Variants in MTRF1L observed in about 807,000 individuals in gnomAD.
MTRF1L encodes the protein peptide chain release factor 1-like, mitochondrial.
Under a neutral mutation model 40.0 loss-of-function variants are expected in MTRF1L, and 29 were observed. That is an observed-to-expected ratio of 0.73 (90% CI 0.54 to 0.99). MTRF1L has a LOEUF of 0.99. MTRF1L is among the 50% of genes least tolerant of loss of function. The pLI, the probability that MTRF1L is intolerant of heterozygous loss-of-function variation, is 0.00. For synonymous variants in MTRF1L, 150 were observed against 175.8 expected (o/e 0.85, Z 1.16); for missense variants, 412 against 464.5 (o/e 0.89, Z 1.04).
chr6:152,990,274 CTCTAAAA>C (rs1376722545), intron 6 of MTRF1L, 179 bp from the exon 7 acceptor site: 1 of 916,702 alleles, frequency 1.1e-6, no homozygotes, highest in East Asian at 2.8e-5. Flanking sequence ...AGAACACGTG[CTCTAAAA>C]TCAGATTAAT....
chr6:152,996,817 A>G (rs1167137520), intron 2 of MTRF1L, among the ~76,000 whole-genome samples: 1 of 152,230 alleles, frequency 6.6e-6, no homozygotes, highest in Non-Finnish European at 1.5e-5. Flanking sequence ...AAATAGTGTC[A>G]GAGATGCAAA....
At position 152,987,479 on chromosome 6, in the gene MTRF1L, C is replaced by T. The variant is rs1408042534; in HGVS notation, c.*2416G>A. The T allele has an allele frequency of 6.6e-6, 1 of 152,128 alleles. No homozygotes were observed. Among genetic ancestry groups the T allele is most frequent in the East Asian group, 1.9e-4 (1 of 5,194 alleles). The allele number at this position is 152,128 out of a possible 1,614,324, so 9.4% of individuals were successfully genotyped here. ...TTGCTTTTTAGAAAGATTAGTTTGG[C>T]AGTTACTTATTTGTAACCAGAATTA... On this transcript the variant is annotated 3_prime_UTR_variant, in exon 7 of 7. Transcript: ENST00000367233.
rs3192723 is a variant in MTRF1L, at chr6:152,994,560, C to T, written c.640G>A (p.Val214Ile). Residue 214 changes from valine to isoleucine, a missense_variant, in exon 4 of 7, where the codon GTC becomes ATC. By Grantham distance (29) the Val-to-Ile change is conservative. Transcript: ENST00000367233. ...RVPKTEKQGR[V>I]HTSTMTVAIL... Reference sequence around the variant, plus strand: ...GCTACAGTCATGGTGCTAGTATGGACGCGGCCTTGCTTTTCTGTCTTTGGC... The same window carrying T: ...GCTACAGTCATGGTGCTAGTATGGATGCGGCCTTGCTTTTCTGTCTTTGGC... 321,500 of 1,611,892 alleles carry T rather than the reference C, an allele frequency of 0.2. 33,617 individuals are homozygous for T. Among genetic ancestry groups the T allele is most frequent in the Admixed American group, 0.35 (20,909 of 59,974 alleles).
chr6:152,991,327 T>G lies in MTRF1L; in HGVS notation c.806-6A>C. 2 of 1,573,694 alleles carry G rather than the reference T, an allele frequency of 1.3e-6. No individual in the cohort carries two copies. Among genetic ancestry groups the G allele is most frequent in the Non-Finnish European group, 8.6e-7 (1 of 1,162,574 alleles). ...TTGACATTCAGAAACAACACCTGAATAGTGTTACGAGAATTAAAAAGTTTT... is the reference window on the plus strand; with the variant it reads ...TTGACATTCAGAAACAACACCTGAAGAGTGTTACGAGAATTAAAAAGTTTT... On this transcript the variant is annotated splice_region_variant and splice_polypyrimidine_tract_variant and intron_variant, in intron 5 of 6. Transcript: ENST00000367233.
At chr6:152,999,003 TAAGAC>T (rs1325909945) in intron 1 of MTRF1L, among the ~76,000 whole-genome samples, 6 of 152,130 alleles carry the variant, frequency 3.9e-5, no homozygotes, top group African/African-American at 1.4e-4. Flanking sequence ...ATTTAGCTAA[TAAGAC>T]AGAAGGGATA....
intron 6 of MTRF1L, chr6:152,990,332 C>T (rs998849539): frequency 2.3e-5 from 13 of 566,488 alleles, no homozygotes; most frequent in African/African-American, 1.7e-4. Context: ...TCTATGACCT[C>T]GGGCAACTTA....
At chr6:153,000,845 C>G (rs995720023) in intron 1 of MTRF1L, among the ~76,000 whole-genome samples, 1 of 148,696 alleles carries the variant, frequency 6.7e-6, no homozygotes, top group African/African-American at 2.5e-5. Context: ...GTTGTTTTAC[C>G]TTTCTATGTC....
At position 152,992,978 on chromosome 6, in the gene MTRF1L, T is replaced by A. The variant is rs1175825589; in HGVS notation, c.688-4A>T. 1 of 1,609,578 alleles carries A rather than the reference T, an allele frequency of 6.2e-7. No individual in the cohort carries two copies. Among genetic ancestry groups the A allele is most frequent in the African/African-American group, 1.3e-5 (1 of 74,836 alleles). Reference sequence around the variant, plus strand: ...TCGGATTAATCACCAGATTAATCTATACAGAAGAAAAGTTGGGATTTTAAA... The same window carrying A: ...TCGGATTAATCACCAGATTAATCTAAACAGAAGAAAAGTTGGGATTTTAAA... On this transcript the variant is annotated splice_polypyrimidine_tract_variant and splice_region_variant and intron_variant, in intron 4 of 6. Coordinates refer to ENST00000367233, the MANE Select transcript of MTRF1L (RefSeq NM_019041.7).
At position 152,990,076 on chromosome 6, in the gene MTRF1L, G is replaced by C. The variant is rs151055997; in HGVS notation, c.962C>G (p.Ser321Ter). ...RKIQIGSKGR[S>*]EKIRTYNFPQ... ...AAAATTATATGTTCTTATTTTCTCT[G>C]ATCTTCCTTTACTTCCAATCTGTAT... Residue 321 changes from serine (S) to a stop codon, truncating the protein, a stop_gained, in exon 7 of 7, where the codon TCA (serine) becomes TGA (stop). Transcript: ENST00000367233. LOFTEE classifies it high-confidence loss of function. 96 of 1,613,662 alleles carry C rather than the reference G, an allele frequency of 5.9e-5. No homozygotes were observed. Among genetic ancestry groups the C allele is most frequent in the Non-Finnish European group, 7.9e-5 (93 of 1,179,920 alleles).
At chr6:153,002,128 C>CT (rs757650863) in intron 1 of MTRF1L, among the ~76,000 whole-genome samples, 12 of 152,200 alleles carry the variant, frequency 7.9e-5, no homozygotes, top group Admixed American at 3.9e-4. Context: ...AGAAACACCG[C>CT]TGTGGAGCCC....
rs755593925 is a variant in MTRF1L at position 152,998,638 on chromosome 6, AAAAG to A, written c.260-13_260-10del. 8.9e-6 allele frequency: 14 copies of A among 1,578,550 alleles called. No homozygotes were observed. The South Asian group carries it at 9.4e-5, about 11-fold the overall frequency. ...TAAATCTTCATTCTCATCTAGGAAA[AAAAG>A]GGCAGAAGTTAAGGTTTTCCTTAAT... On this transcript the variant is annotated splice_polypyrimidine_tract_variant and intron_variant, in intron 1 of 6. Transcript: ENST00000367233.
chr6:152,998,505 C>T, intron 2 of MTRF1L, 45 bp downstream of exon 2: 5 of 1,389,524 alleles, frequency 3.6e-6, no homozygotes, highest in Non-Finnish European at 4.9e-6. Flanking sequence ...AACTTTAATG[C>T]CTAAGAATAG....
chr6:153,002,668 C>T lies in MTRF1L; in HGVS notation c.18G>A (p.Leu6=). The part of the protein sequence containing the change: MRSRV[L]WGAARWLWPR... The stretch of plus-strand genomic sequence containing the variant: ...GCCAGAGCCACCGGGCAGCGCCCCA[C>T]AGAACCCGGGACCGCATCCTTAGTC... The change falls in exon 1 of 7, where the codon CTG becomes CTA. Residue 6 remains leucine (L), a synonymous_variant. Coordinates refer to ENST00000367233, the MANE Select transcript of MTRF1L (RefSeq NM_019041.7). The T allele has an allele frequency of 6.7e-7, 1 of 1,499,510 alleles. No individual in the cohort carries two copies. Among genetic ancestry groups the T allele is most frequent in the South Asian group, 1.3e-5 (1 of 75,884 alleles). 92.9% of individuals were successfully genotyped at this position (1,499,510 alleles called of 1,614,324 possible).
chr6:152,993,036 G>T, intron 4 of MTRF1L, 62 bp from the exon 5 acceptor site: 1 of 1,257,834 alleles, frequency 8.0e-7, no homozygotes. Context: ...AAAGGCAAGA[G>T]CGACCCATTT....
intron 1 of MTRF1L, among the ~76,000 whole-genome samples, chr6:153,000,317 AAACAT>A (rs1778866462): frequency 6.6e-6 from 1 of 152,230 alleles, no homozygotes; most frequent in African/African-American, 2.4e-5. Flanking sequence ...TAATTAACAT[AAACAT>A]ATTACTTTTT....
chr6:152,993,827 C>A (rs1371467356), intron 4 of MTRF1L, among the ~76,000 whole-genome samples: 4 of 152,160 alleles, frequency 2.6e-5, no homozygotes, highest in African/African-American at 7.2e-5. Flanking sequence ...AAAATTAGAT[C>A]TAAAGAAACT....
At chr6:152,998,699 A>ATAGTT in intron 1 of MTRF1L, 70 bp from the exon 2 acceptor site, 1 of 1,053,566 alleles carries the variant, frequency 9.5e-7, no homozygotes, top group South Asian at 1.6e-5. Context: ...CTTCTAGGAA[A>ATAGTT]TAGTTTTATG....
chr6:152,998,763 A>G (rs2129101042), intron 1 of MTRF1L, 134 bp from the exon 2 acceptor site: 1 of 465,334 alleles, frequency 2.1e-6, no homozygotes, highest in Non-Finnish European at 3.7e-6. Context: ...TTCAATAAAT[A>G]CCATTCAATA....
chr6:152,991,410 C>A, intron 5 of MTRF1L, 89 bp from the exon 6 acceptor site: 1 of 1,386,360 alleles, frequency 7.2e-7, no homozygotes, highest in Non-Finnish European at 9.5e-7. Context: ...CATCCTTTTT[C>A]TTCTTCCTTT....
Sources: gnomAD v4.1 joint callset for allele counts (sites outside exome capture counted in the v4.1 genomes callset) on GRCh38, gnomAD v4.1.1 for gene constraint, MANE v1.5 for transcripts, NCBI Gene and HGNC (gene_info 2026-07-23, HGNC 2026-07-21) for gene names.